Variants in ZFHX3 observed in about 807,000 individuals in gnomAD.
ZFHX3 encodes zinc finger homeobox protein 3.
A neutral mutation model predicts 279.1 loss-of-function variants in ZFHX3; 42 were observed. The ratio of observed to expected loss-of-function variants is 0.15; its 90% CI spans 0.12 to 0.19. The LOEUF (loss-of-function observed/expected upper bound fraction) is 0.19, where lower values mean the gene tolerates loss of function less well. Ranked by LOEUF, ZFHX3 falls within the 10% of genes least tolerant of loss-of-function variation. The probability of loss-of-function intolerance (pLI) is 1.00; values close to 1 mark genes in which losing one functional copy is unlikely to be tolerated. For missense variants in ZFHX3, 4,981 were observed against 4,754.0 expected, an observed-to-expected ratio of 1.05 and a Z score of -1.40; for synonymous variants, 2,293 against 1,957.8, an observed-to-expected ratio of 1.17 and a Z score of -4.52.
intron 2 of ZFHX3, among the ~76,000 whole-genome samples, chr16:73,477,255 G>T (rs12597797): frequency 6.6e-6 from 1 of 151,964 alleles, no homozygotes; most frequent in Admixed American, 6.5e-5. Context: ...CTTGTTTTCT[G>T]TGTGGTCATC....
chr16:73,682,916 G>GAA (rs1567550600), intron 1 of ZFHX3, among the ~76,000 whole-genome samples: 871 of 29,884 alleles, frequency 0.029, 70 homozygotes, highest in African/African-American at 0.08. Flanking sequence ...GAGAAAGAAA[G>GAA]AGAGAAAGAG....
intron 5 of ZFHX3, among the ~76,000 whole-genome samples, chr16:73,214,896 G>C (rs2012150901): frequency 8.0e-6 from 1 of 124,928 alleles, no homozygotes; most frequent in Non-Finnish European, 1.6e-5. Flanking sequence ...CAGGATTCAG[G>C]GTGAAGAAAT....
chr16:73,832,547 A>G (rs1029486614), intron 1 of ZFHX3, among the ~76,000 whole-genome samples: 1 of 151,960 alleles, frequency 6.6e-6, no homozygotes, highest in African/African-American at 2.4e-5. Flanking sequence ...AAGTTTTTTT[A>G]TTTTTGTTTA....
At chr16:73,812,524 T>TGG (rs1034820161) in intron 1 of ZFHX3, 1 of 152,168 alleles carries the variant, frequency 6.6e-6, no homozygotes, top group Non-Finnish European at 1.5e-5. Context: ...AATAAAGAGA[T>TGG]GGGGCAGGGA....
intron 4 of ZFHX3, among the ~76,000 whole-genome samples, chr16:72,852,304 A>C (rs980783724): frequency 2.0e-5 from 3 of 152,056 alleles, no homozygotes; most frequent in Admixed American, 2.0e-4. Flanking sequence ...ATTCGTTTGC[A>C]TTTTTTTTCT....
At chr16:73,063,365 G>A (rs150635341), upstream of ZFHX3, among the ~76,000 whole-genome samples, 58 of 151,914 alleles carry the variant, frequency 3.8e-4, 1 homozygote, top group East Asian at 6.6e-3. Flanking sequence ...GCCAGGCGCA[G>A]CACGTGGGCT....
rs536114745 is a variant in ZFHX3, at chr16:73,747,249, T to C, written c.-1607-67009A>G. Among the ~76,000 whole-genome samples, 5 of 152,242 alleles carry C rather than the reference T, an allele frequency of 3.3e-5. No individual in the cohort carries two copies. The East Asian group carries it at 9.7e-4, about 29-fold the overall frequency. Reference sequence around the variant, plus strand: ...TATAATAAAAATTAGCCAGACATGATGGCTCATGCCTGTAGTCCCAACCAC... The same window carrying C: ...TATAATAAAAATTAGCCAGACATGACGGCTCATGCCTGTAGTCCCAACCAC... On this transcript the variant is annotated intron_variant, in intron 1 of 17. Transcript: ENST00000641206.
chr16:73,237,352 C>G (rs2012981826), intron 5 of ZFHX3, among the ~76,000 whole-genome samples: 1 of 151,912 alleles, frequency 6.6e-6, no homozygotes, highest in African/African-American at 2.4e-5. Flanking sequence ...ATCAAGTAAT[C>G]CTCTCACCTC....
chr16:73,224,562 T>C (rs2012532301), intron 5 of ZFHX3, among the ~76,000 whole-genome samples: 1 of 152,204 alleles, frequency 6.6e-6, no homozygotes, highest in South Asian at 2.1e-4. Flanking sequence ...AGTAAGTGCC[T>C]GGCACCATAT....
chr16:73,032,589 G>T (rs929729972), intron 1 of ZFHX3, among the ~76,000 whole-genome samples: 3 of 152,100 alleles, frequency 2.0e-5, no homozygotes, highest in African/African-American at 7.2e-5. Context: ...TCCCCAGAGC[G>T]GGCAGCTTTC....
intron 5 of ZFHX3, among the ~76,000 whole-genome samples, chr16:73,237,152 G>T (rs1445796509): frequency 1.3e-5 from 2 of 152,320 alleles, no homozygotes; most frequent in South Asian, 2.1e-4. Context: ...AGAGACAGCT[G>T]CAGGTCTTCT....
chr16:73,522,003 G>C (rs965176238), intron 2 of ZFHX3, among the ~76,000 whole-genome samples: 1 of 152,132 alleles, frequency 6.6e-6, no homozygotes. Flanking sequence ...TAGCAAGTTT[G>C]CATGGCAGCC....
At chr16:72,846,843 G>A (rs1219567906) in intron 4 of ZFHX3, among the ~76,000 whole-genome samples, 2 of 152,174 alleles carry the variant, frequency 1.3e-5, no homozygotes, top group Admixed American at 1.3e-4. Flanking sequence ...TGGCCTCACG[G>A]TGAAGAAACA....
chr16:73,562,852 G>A (rs2020391895), intron 2 of ZFHX3, among the ~76,000 whole-genome samples: 3 of 152,130 alleles, frequency 2.0e-5, no homozygotes, highest in Admixed American at 2.0e-4. Flanking sequence ...ATGCTATCAA[G>A]AATCTTAAGG....
intron 1 of ZFHX3, among the ~76,000 whole-genome samples, chr16:73,873,165 G>C (rs1396860498): frequency 1.2e-5 from 1 of 81,632 alleles, no homozygotes; most frequent in Non-Finnish European, 2.4e-5. Flanking sequence ...GTGGTGGGTG[G>C]TGGTGGGTGG....
At chr16:73,639,168 C>A (rs2052552616) in intron 2 of ZFHX3, among the ~76,000 whole-genome samples, 1 of 152,116 alleles carries the variant, frequency 6.6e-6, no homozygotes, top group Admixed American at 6.5e-5. Context: ...ACCCAAGAAC[C>A]CACTGTAGAA....
intron 3 of ZFHX3, among the ~76,000 whole-genome samples, chr16:72,939,372 C>T (rs1230746906): frequency 2.0e-5 from 3 of 152,206 alleles, no homozygotes; most frequent in African/African-American, 7.2e-5. Flanking sequence ...TCAAATCAAA[C>T]AAGCCCTGTT....
At chr16:73,550,077 G>C (rs1475229827) in intron 2 of ZFHX3, among the ~76,000 whole-genome samples, 1 of 152,068 alleles carries the variant, frequency 6.6e-6, no homozygotes, top group African/African-American at 2.4e-5. Context: ...AAAGGTGATT[G>C]TTTCACTTGT....
chr16:73,740,708 G>T (rs955794701), intron 1 of ZFHX3, among the ~76,000 whole-genome samples: 3 of 152,070 alleles, frequency 2.0e-5, no homozygotes, highest in Admixed American at 6.6e-5. Context: ...TTCTCTTGGG[G>T]TTCAGAACCT....
Sources: gnomAD v4.1 joint callset for allele counts (sites outside exome capture counted in the v4.1 genomes callset) on GRCh38, gnomAD v4.1.1 for gene constraint, MANE v1.5 for transcripts, NCBI Gene and HGNC (gene_info 2026-07-23, HGNC 2026-07-21) for gene names.